GEMIN5: variants seen among roughly 807,000 people sequenced by gnomAD.
The protein encoded by GEMIN5 is gem nuclear organelle associated protein 5, also known as gem-associated protein 5.
In GEMIN5, 124 loss-of-function variants were observed where a neutral mutation model predicts 176.9. That is an observed-to-expected ratio of 0.70 (90% CI 0.61 to 0.81). GEMIN5 has a LOEUF of 0.81. Among genes scored for constraint, GEMIN5 ranks in the 40% least tolerant of loss-of-function variants. The pLI is 0.00. For synonymous variants in GEMIN5, 673 were observed against 665.2 expected, an observed-to-expected ratio of 1.01 and a Z score of -0.18; for missense variants, 1,843 against 1,814.6, an observed-to-expected ratio of 1.02 and a Z score of -0.28.
chr5:154,897,511 A>G (rs1341166959), intron 23 of GEMIN5, among the ~76,000 whole-genome samples: 1 of 152,154 alleles, frequency 6.6e-6, no homozygotes, highest in African/African-American at 2.4e-5. Context: ...TTTTTTCTGA[A>G]GAGTCTCACT....
intron 9 of GEMIN5, among the ~76,000 whole-genome samples, chr5:154,923,513 A>G (rs561121933): frequency 6.6e-6 from 1 of 152,294 alleles, no homozygotes; most frequent in African/African-American, 2.4e-5. Flanking sequence ...TGCCACAACT[A>G]CTCCACTCTG....
chr5:154,901,795 T>TCC (rs1554101464), intron 20 of GEMIN5, among the ~76,000 whole-genome samples: 18 of 149,566 alleles, frequency 1.2e-4, no homozygotes, highest in South Asian at 2.1e-4. Flanking sequence ...TTTTTTTTTT[T>TCC]CCCTTTCCTT....
At position 154,904,664 on chromosome 5, in the gene GEMIN5, GA is replaced by G. The variant is rs749305589; in HGVS notation, c.2510-36del. Reference sequence around the variant, plus strand: ...AATAAAGTACATACTATCTGAAGGAGAACTGATCAGAAACATAAAACGGAAT... The same window carrying G: ...AATAAAGTACATACTATCTGAAGGAGACTGATCAGAAACATAAAACGGAAT... On this transcript the variant is annotated intron_variant, in intron 17 of 27. Transcript: ENST00000285873. 3.2e-5 allele frequency: 50 copies of G among 1,549,714 alleles called. No homozygotes were observed. The South Asian group carries it at 5.2e-4, about 16-fold the overall frequency.
At chr5:154,898,975 G>GAGGT (rs1763411847) in intron 22 of GEMIN5, among the ~76,000 whole-genome samples, 1 of 152,198 alleles carries the variant, frequency 6.6e-6, no homozygotes, top group Non-Finnish European at 1.5e-5. Flanking sequence ...TTAATCTGCT[G>GAGGT]CTGAGGTTTT....
rs1310491495 is a variant in GEMIN5 at position 154,903,085 on chromosome 5, A to T, written c.2723T>A (p.Ile908Asn). The T allele has an allele frequency of 6.3e-7, 1 of 1,587,214 alleles. No individual in the cohort carries two copies. Among genetic ancestry groups the T allele is most frequent in the South Asian group, 1.1e-5 (1 of 89,510 alleles). ...GTTGACTGGATTTGTCTCACCTTCA[A>T]TATCAATCATTCTATACAGGGTAGC... ...DRATLYRMID[I>N]EGKGHLENGH... is the part of the protein sequence containing the mutation. Residue 908 changes from isoleucine (I) to asparagine (N), a missense_variant, in exon 19 of 28, where the codon ATT becomes AAT. Coordinates refer to ENST00000285873, the MANE Select transcript of GEMIN5 (RefSeq NM_015465.5).
In GEMIN5 at chr5:154,898,553, C is replaced by A; in HGVS notation, c.3232G>T (p.Val1078Leu). ...GAAGCAGACAACTCATCCTCTCCTA[C>A]GATGGCAGCCAACTCTGCAGCCGTT... is the stretch of plus-strand genomic sequence containing the variant. Reference protein sequence around the residue: ...LRTAAELAAIVGEDELSASLA... With the variant: ...LRTAAELAAILGEDELSASLA... The change falls in exon 23 of 28, where the codon GTA becomes TTA. Residue 1078 changes from valine to leucine, a missense_variant. By Grantham distance (32) the Val-to-Leu change is conservative. Transcript: ENST00000285873. 1 of 1,614,108 alleles carries A rather than the reference C, an allele frequency of 6.2e-7. No homozygotes were observed. Among genetic ancestry groups the A allele is most frequent in the South Asian group, 1.1e-5 (1 of 91,082 alleles).
At position 154,903,086 on chromosome 5, in the gene GEMIN5, T is replaced by C; in HGVS notation, c.2722A>G (p.Ile908Val). The C allele has an allele frequency of 3.1e-6, 5 of 1,588,380 alleles. No homozygotes were observed. Among genetic ancestry groups the C allele is most frequent in the Non-Finnish European group, 4.3e-6 (5 of 1,159,200 alleles). ...DRATLYRMID[I>V]EGKGHLENGH... ...TTGACTGGATTTGTCTCACCTTCAA[T>C]ATCAATCATTCTATACAGGGTAGCC... The change falls in exon 19 of 28, where the codon ATT becomes GTT. Residue 908 changes from isoleucine (I) to valine (V), a missense_variant. Coordinates refer to ENST00000285873, the MANE Select transcript of GEMIN5 (RefSeq NM_015465.5).
At chr5:154,907,045 A>G (rs1289406324) in intron 16 of GEMIN5, among the ~76,000 whole-genome samples, 1 of 152,184 alleles carries the variant, frequency 6.6e-6, no homozygotes, top group Non-Finnish European at 1.5e-5. Context: ...GTGATAGAAC[A>G]CTGTTTTGTG....
chr5:154,931,743 A>G (rs914735967), intron 4 of GEMIN5, 166 bp from the exon 5 acceptor site: 8 of 587,012 alleles, frequency 1.4e-5, no homozygotes, highest in African/African-American at 1.1e-4. Context: ...GGCCTGGTGC[A>G]GTGGCTCACG....
At chr5:154,897,985 C>T (rs550025905) in intron 23 of GEMIN5, among the ~76,000 whole-genome samples, 50 of 149,108 alleles carry the variant, frequency 3.4e-4, no homozygotes, top group Admixed American at 1.1e-3. Flanking sequence ...CTGCAACCTC[C>T]GCCTTCCGGG....
chr5:154,890,827 G>A (rs374209061), intron 26 of GEMIN5, among the ~76,000 whole-genome samples: 19 of 152,166 alleles, frequency 1.2e-4, no homozygotes, highest in African/African-American at 3.9e-4. Flanking sequence ...GCACTGGTGC[G>A]ATTTTGACTC....
chr5:154,928,805 C>T (rs993475435), intron 5 of GEMIN5, 146 bp from the exon 6 acceptor site: 23 of 658,618 alleles, frequency 3.5e-5, no homozygotes, highest in African/African-American at 5.5e-5. Context: ...CCAATGGTTA[C>T]AATTTTAACC....
At chr5:154,899,128 G>A (rs1348990133) in intron 22 of GEMIN5, 63 bp downstream of exon 22, 8 of 1,495,936 alleles carry the variant, frequency 5.3e-6, no homozygotes, top group Admixed American at 4.2e-5. Context: ...TTGTATTCTT[G>A]TCCTCCCCTT....
intron 8 of GEMIN5, 137 bp from the exon 9 acceptor site, chr5:154,924,691 G>T: frequency 3.1e-6 from 2 of 639,426 alleles, no homozygotes; most frequent in South Asian, 3.8e-5. Context: ...GAGAAAAAGG[G>T]TATTAAAAAC....
intron 22 of GEMIN5, 42 bp from the exon 23 acceptor site, chr5:154,898,692 AT>A: frequency 7.1e-7 from 1 of 1,417,616 alleles, no homozygotes; most frequent in Non-Finnish European, 1.0e-6. Context: ...TCACAAACAG[AT>A]TTTTATTCCC....
chr5:154,938,184 G>GCC lies in GEMIN5; in HGVS notation c.-53_-52dup. ...AAGCTGCCACAGCCGACCGCTCGTA[G>GCC]CCTCACGCCTTAGGTAGGGAGCGGG... On this transcript the variant is annotated 5_prime_UTR_variant, in exon 1 of 28. Coordinates refer to ENST00000285873, the MANE Select transcript of GEMIN5 (RefSeq NM_015465.5). 7.7e-7 allele frequency: 1 copy of GCC among 1,294,878 alleles called. No individual in the cohort carries two copies. Among genetic ancestry groups the GCC allele is most frequent in the Non-Finnish European group, 9.9e-7 (1 of 1,007,332 alleles). The allele number at this position is 1,294,878 out of a possible 1,614,324, so 80.2% of individuals were successfully genotyped here. A position where few individuals can be genotyped will look rare whatever the true frequency, so the allele number is the denominator to read the frequency against.
intron 25 of GEMIN5, among the ~76,000 whole-genome samples, chr5:154,892,026 T>A (rs541913435): frequency 6.6e-6 from 1 of 152,288 alleles, no homozygotes; most frequent in African/African-American, 2.4e-5. Context: ...CGACAACAGA[T>A]CACACTGTCT....
intron 15 of GEMIN5, among the ~76,000 whole-genome samples, chr5:154,910,255 T>C (rs568244965): frequency 1.3e-5 from 2 of 152,092 alleles, no homozygotes; most frequent in Non-Finnish European, 2.9e-5. Flanking sequence ...TGTGGACACA[T>C]CATTTCATTT....
At chr5:154,926,523 G>C (rs1295571865) in intron 7 of GEMIN5, among the ~76,000 whole-genome samples, 1 of 152,224 alleles carries the variant, frequency 6.6e-6, no homozygotes, top group East Asian at 1.9e-4. Flanking sequence ...TTGTTTAAGA[G>C]ACAGGCTTGG....
Sources: gnomAD v4.1 joint callset for allele counts (sites outside exome capture counted in the v4.1 genomes callset) on GRCh38, gnomAD v4.1.1 for gene constraint, MANE v1.5 for transcripts, NCBI Gene and HGNC (gene_info 2026-07-23, HGNC 2026-07-21) for gene names.